FHAD1: variants seen among roughly 807,000 people sequenced by gnomAD.
The protein encoded by FHAD1 is forkhead associated phosphopeptide binding domain 1.
Under a neutral mutation model 191.3 loss-of-function variants are expected in FHAD1, and 146 were observed. That is an observed-to-expected ratio of 0.76 (90% confidence interval 0.67 to 0.88). The LOEUF (loss-of-function observed/expected upper bound fraction) is 0.88, where lower values mean the gene tolerates loss of function less well. Among genes scored for constraint, FHAD1 ranks in the 40% least tolerant of loss-of-function variants. The pLI, the probability that FHAD1 is intolerant of heterozygous loss-of-function variation, is 0.00. For missense variants in FHAD1, 1,635 were observed against 1,785.8 expected (o/e 0.92, Z 1.52); for synonymous variants, 616 against 672.3 (o/e 0.92, Z 1.29).
intron 15 of FHAD1, among the ~76,000 whole-genome samples, chr1:15,340,178 C>T (rs563414336): frequency 2.6e-5 from 4 of 152,310 alleles, no homozygotes; most frequent in South Asian, 4.1e-4. Flanking sequence ...GGACAAAGTA[C>T]AGCTATCTAT....
At chr1:15,365,542 C>T (rs1696161459) in intron 23 of FHAD1, among the ~76,000 whole-genome samples, 1 of 146,550 alleles carries the variant, frequency 6.8e-6, no homozygotes, top group African/African-American at 2.6e-5. Context: ...AGGCTGGTCT[C>T]GAACTCCTGA....
At chr1:15,348,083 A>AACCC (rs1689565375) in intron 18 of FHAD1, among the ~76,000 whole-genome samples, 2 of 152,230 alleles carry the variant, frequency 1.3e-5, no homozygotes, top group Non-Finnish European at 2.9e-5. Flanking sequence ...CCTACCCTGA[A>AACCC]ACCCACTTCA....
intron 20 of FHAD1, among the ~76,000 whole-genome samples, chr1:15,353,678 C>T (rs910967073): frequency 7.6e-6 from 1 of 132,072 alleles, no homozygotes; most frequent in African/African-American, 3.1e-5. Context: ...GCACTCCAGC[C>T]TGGGTGACAG....
chr1:15,385,713 T>C (rs1017128863), intron 31 of FHAD1, among the ~76,000 whole-genome samples: 5 of 152,074 alleles, frequency 3.3e-5, no homozygotes, highest in Admixed American at 6.6e-5. Context: ...AGTTTGGGGC[T>C]GCAGTAAGCT....
intron 2 of FHAD1, among the ~76,000 whole-genome samples, chr1:15,257,873 G>A (rs1221322675): frequency 2.0e-5 from 3 of 152,048 alleles, no homozygotes; most frequent in South Asian, 2.1e-4. Context: ...AGTCTCGCTC[G>A]CTCTGTCACC....
At chr1:15,254,135 C>T (rs1647124939) in intron 2 of FHAD1, among the ~76,000 whole-genome samples, 1 of 152,102 alleles carries the variant, frequency 6.6e-6, no homozygotes, top group Non-Finnish European at 1.5e-5. Context: ...TAAAAAGAAT[C>T]GTAGTTTCTT....
At chr1:15,239,853 G>A (rs4661614) in intron 1 of FHAD1, among the ~76,000 whole-genome samples, 129,068 of 151,970 alleles carry the variant, frequency 0.85, 55,172 homozygotes, top group East Asian at 0.95. Flanking sequence ...TGGTACCAGC[G>A]CTTTGGAAAA....
At chr1:15,270,817 G>A (rs937909835) in intron 2 of FHAD1, among the ~76,000 whole-genome samples, 3 of 143,732 alleles carry the variant, frequency 2.1e-5, no homozygotes, top group Admixed American at 1.4e-4. Flanking sequence ...TGGGGCGTGC[G>A]GATCATGAGG....
At position 15,249,221 on chromosome 1, in the gene FHAD1, A is replaced by G. The variant is rs141282313; in HGVS notation, c.-15+1826A>G. Reference sequence around the variant, plus strand: ...TAGCTAGACAACAAAGTGACTGGTGACGCCTTTAGCTGGGGTGGTCAGGTA... The same window carrying G: ...TAGCTAGACAACAAAGTGACTGGTGGCGCCTTTAGCTGGGGTGGTCAGGTA... On this transcript the variant is annotated intron_variant, in intron 1 of 33. Transcript: ENST00000688493. 1.1e-4 allele frequency among the ~76,000 whole-genome samples: 17 copies of G among 151,994 alleles called. No individual in the cohort carries two copies. The East Asian group carries it at 2.5e-3, about 23-fold the overall frequency.
At chr1:15,296,817 G>A in intron 5 of FHAD1, 24 bp downstream of exon 5, 1 of 1,538,910 alleles carries the variant, frequency 6.5e-7, no homozygotes. Context: ...CTGGGGAAGG[G>A]TGGAGCTGCA....
At chr1:15,376,538 AG>A (rs1699707455) in intron 28 of FHAD1, among the ~76,000 whole-genome samples, 1 of 152,196 alleles carries the variant, frequency 6.6e-6, no homozygotes, top group Admixed American at 6.5e-5. Flanking sequence ...AGAGCACACA[AG>A]TTCCTAGAGT....
At chr1:15,368,065 G>A (rs908936265) in intron 25 of FHAD1, among the ~76,000 whole-genome samples, 6 of 152,088 alleles carry the variant, frequency 3.9e-5, no homozygotes, top group East Asian at 1.9e-4. Flanking sequence ...TCTGCCTCCC[G>A]GGTTCAAGCC....
At chr1:15,358,867 A>T (rs1277206139) in intron 21 of FHAD1, among the ~76,000 whole-genome samples, 1 of 152,152 alleles carries the variant, frequency 6.6e-6, no homozygotes, top group African/African-American at 2.4e-5. Flanking sequence ...AAATTTCACG[A>T]GGGTGTGGCG....
At chr1:15,244,067 G>A (rs529567748), upstream of FHAD1, among the ~76,000 whole-genome samples, 1 of 151,628 alleles carries the variant, frequency 6.6e-6, no homozygotes, top group African/African-American at 2.4e-5. The surrounding 1 kb of genome is among the most constrained non-coding windows in gnomAD (Gnocchi z 5.1). Context: ...TTTTTTCAGG[G>A]ACAGTATTTT....
At position 15,316,433 on chromosome 1, in the gene FHAD1, A is replaced by T. The variant is rs1367020224; in HGVS notation, c.1226A>T (p.Glu409Val). 5 of 1,551,612 alleles carry T rather than the reference A, an allele frequency of 3.2e-6. No individual in the cohort carries two copies. Among genetic ancestry groups the T allele is most frequent in the Non-Finnish European group, 2.6e-6 (3 of 1,147,008 alleles). ...KQEDAHRELREAQEKELKLCK... is the reference protein window; with the variant it reads ...KQEDAHRELRVAQEKELKLCK... ...GAAGATGCTCACAGGGAGCTCAGGG[A>T]AGCCCAGGAGAAAGAGTTAAAACTC... The change falls in exon 9 of 34, where the codon GAA (glutamate) becomes GTA (valine). Residue 409 changes from glutamate (E) to valine (V), a missense_variant. Physicochemically the swap from Glu to Val is moderately radical, Grantham distance 121. Transcript: ENST00000688493. The surrounding 1 kb of genome is among the most constrained non-coding windows in gnomAD (Gnocchi z 4.3).
At chr1:15,317,746 T>C in intron 9 of FHAD1, 78 bp from the exon 10 acceptor site, 1 of 906,702 alleles carries the variant, frequency 1.1e-6, no homozygotes, top group Admixed American at 2.4e-5. Context: ...CAGGGGATGA[T>C]GAGGGCTCAG....
intron 26 of FHAD1, 60 bp downstream of exon 26, chr1:15,369,562 CTG>C (rs1377125950): frequency 2.6e-6 from 4 of 1,512,662 alleles, no homozygotes; most frequent in Non-Finnish European, 3.6e-6. Context: ...CCAGTGGTGG[CTG>C]TCTTTCCTTT....
Position 15,358,190 on chromosome 1 carries a change from G to C in FHAD1, c.2643G>C (p.Gln881His). ...SDALAMVEET[Q>H]KTKATESLKA... ...CACTGGCCATGGTTGAAGAGACTCA[G>C]AAAACAAAGGCAACTGAAAGTCTAA... is the stretch of plus-strand genomic sequence containing the variant. The change falls in exon 21 of 34, where the codon CAG becomes CAC. Residue 881 changes from glutamine (Q) to histidine (H), a missense_variant. By Grantham distance (24) the Gln-to-His change is conservative. Coordinates refer to ENST00000688493, the MANE Select transcript of FHAD1 (RefSeq NM_001391957.1). 6.5e-7 allele frequency: 1 copy of C among 1,540,218 alleles called. No individual in the cohort carries two copies. The highest frequency in any genetic ancestry group is 1.7e-4 in the Middle Eastern group (1 of 5,972).
At chr1:15,281,760 CAAAAAAAAAAAAAAA>C (rs35950054) in intron 3 of FHAD1, among the ~76,000 whole-genome samples, 1 of 64,434 alleles carries the variant, frequency 1.6e-5, no homozygotes, top group South Asian at 6.0e-4. Flanking sequence ...GACACTGTCT[CAAAAAAAAAAAAAAA>C]AAAAAAAAAG....
Sources: allele counts gnomAD v4.1 joint callset (sites outside exome capture counted in the v4.1 genomes callset), GRCh38; gene constraint gnomAD v4.1.1; non-coding constraint Gnocchi (gnomAD v3.1); transcripts MANE v1.5; gene names NCBI Gene and HGNC (gene_info 2026-07-23, HGNC 2026-07-21).